The following TRHDE variants were observed in gnomAD, a reference collection of about 807,000 sequenced individuals.
TRHDE encodes thyrotropin-releasing hormone-degrading ectoenzyme.
TRHDE carries 72 observed loss-of-function variants against 125.7 expected under a neutral mutation model. The ratio of observed to expected loss-of-function variants is 0.57; its 90% confidence interval spans 0.47 to 0.70. The LOEUF (loss-of-function observed/expected upper bound fraction) is 0.70. TRHDE is among the 30% of genes least tolerant of loss of function. The pLI is 0.00. For missense variants in TRHDE, 1,110 were observed against 1,327.1 expected (o/e 0.84, Z 2.54); for synonymous variants, 509 against 509.1 (o/e 1.00, Z 0.00).
chr12:72,471,917 C>A (rs1195647844), intron 4 of TRHDE, among the ~76,000 whole-genome samples: 1 of 152,168 alleles, frequency 6.6e-6, no homozygotes, highest in Admixed American at 6.6e-5. Context: ...TATGTTCCAG[C>A]CGCACAGGTC....
chr12:72,389,536 G>C (rs1179156228), intron 3 of TRHDE, among the ~76,000 whole-genome samples: 1 of 152,172 alleles, frequency 6.6e-6, no homozygotes, highest in Non-Finnish European at 1.5e-5. Context: ...AGCGCTGGTG[G>C]GGTCAGGCTC....
intron 5 of TRHDE, among the ~76,000 whole-genome samples, chr12:72,492,417 G>A (rs558180899): frequency 2.0e-5 from 3 of 151,962 alleles, no homozygotes; most frequent in African/African-American, 7.2e-5. Context: ...TTCTTTCAAT[G>A]TTATAGGAAA....
intron 2 of TRHDE, among the ~76,000 whole-genome samples, chr12:72,124,276 C>G (rs537623119): frequency 2.6e-5 from 4 of 152,094 alleles, no homozygotes; most frequent in Admixed American, 2.6e-4. Context: ...GTTTTCCAGG[C>G]CTTCTTCTAG....
chr12:72,090,332 C>A (rs1355629555), intron 1 of TRHDE, among the ~76,000 whole-genome samples: 1 of 152,014 alleles, frequency 6.6e-6, no homozygotes, highest in African/African-American at 2.4e-5. Context: ...TGGCACTGAA[C>A]AAAATGATGC....
At chr12:72,405,204 C>G (rs1224881059) in intron 3 of TRHDE, among the ~76,000 whole-genome samples, 1 of 152,208 alleles carries the variant, frequency 6.6e-6, no homozygotes. Flanking sequence ...TGATAGAGCA[C>G]TATCCCAAGA....
rs554599748 is a variant in TRHDE at position 72,649,654 on chromosome 12, A to C, written c.2676-2668A>C. On this transcript the variant is annotated intron_variant, in intron 15 of 18. Coordinates refer to ENST00000261180, the MANE Select transcript of TRHDE (RefSeq NM_013381.3). ...AAACCATATATCTGAATAAGGGTTT[A>C]TCTCCAAAATATATAAGACACTCCT... Among the ~76,000 whole-genome samples the C allele has an allele frequency of 2.0e-5, 3 of 152,280 alleles. No homozygotes were observed. The South Asian group carries it at 6.2e-4, about 32-fold the overall frequency.
At chr12:72,182,197 C>T (rs1395957268) in intron 2 of TRHDE, among the ~76,000 whole-genome samples, 2 of 152,128 alleles carry the variant, frequency 1.3e-5, no homozygotes, top group Admixed American at 6.5e-5. Flanking sequence ...CACATTTTCT[C>T]CTGAAGAAGT....
intron 1 of TRHDE, chr12:72,274,704 G>T (rs1309137929): frequency 6.6e-6 from 1 of 152,198 alleles, no homozygotes; most frequent in Non-Finnish European, 1.5e-5. Context: ...TTTAGACCCA[G>T]GGAGTCTGGC....
At chr12:72,588,440 A>G (rs1871532063) in intron 12 of TRHDE, among the ~76,000 whole-genome samples, 1 of 152,204 alleles carries the variant, frequency 6.6e-6, no homozygotes, top group Admixed American at 6.5e-5. Context: ...TGTGGCTCTA[A>G]TGGAGTAAGT....
chr12:72,610,543 A>T (rs1236507072), intron 12 of TRHDE: 1 of 152,190 alleles, frequency 6.6e-6, no homozygotes, highest in Non-Finnish European at 1.5e-5. Flanking sequence ...TCCATCACAT[A>T]TAGAAAAACA....
intron 12 of TRHDE, among the ~76,000 whole-genome samples, chr12:72,596,425 T>C (rs1871944175): frequency 6.6e-6 from 1 of 152,294 alleles, no homozygotes; most frequent in South Asian, 2.1e-4. Flanking sequence ...ACTAGATATA[T>C]ACAACAAAAA....
At chr12:72,430,291 G>GTATATATGTA (rs1198394562) in intron 3 of TRHDE, among the ~76,000 whole-genome samples, 5 of 138,432 alleles carry the variant, frequency 3.6e-5, no homozygotes, top group African/African-American at 1.4e-4. Context: ...TTGTGTGTGT[G>GTATATATGTA]TATATATGTA....
chr12:72,478,413 T>C (rs1251530064), intron 5 of TRHDE, among the ~76,000 whole-genome samples: 1 of 152,198 alleles, frequency 6.6e-6, no homozygotes, highest in African/African-American at 2.4e-5. Context: ...TAAGGCTATT[T>C]TATTTTTACT....
chr12:72,101,010 G>A (rs1345544579), intron 1 of TRHDE, among the ~76,000 whole-genome samples: 1 of 152,170 alleles, frequency 6.6e-6, no homozygotes, highest in Admixed American at 6.5e-5. Context: ...TAAATGAAGG[G>A]TAAAGTGATG....
chr12:72,669,292 T>A lies in TRHDE; in HGVS notation c.*6097T>A, dbSNP rs1875193368. 1 of 151,854 alleles carries A rather than the reference T, an allele frequency of 6.6e-6. No individual in the cohort carries two copies. The highest frequency in any genetic ancestry group is 1.5e-5 in the Non-Finnish European group (1 of 67,872). 9.4% of individuals were successfully genotyped at this position (151,854 alleles called of 1,614,324 possible). On this transcript the variant is annotated 3_prime_UTR_variant, in exon 19 of 19. Coordinates refer to ENST00000261180, the MANE Select transcript of TRHDE (RefSeq NM_013381.3). ...GAGGTCAGAGAAGTATCTCTGTCAT[T>A]CTGCTTAGAAGTATACATGGACTGC...
At chr12:72,658,527 C>T (rs757572325) in intron 18 of TRHDE, among the ~76,000 whole-genome samples, 2 of 151,984 alleles carry the variant, frequency 1.3e-5, no homozygotes, top group East Asian at 3.9e-4. Context: ...TCTTGCTTTC[C>T]TCTAACTCCG....
intron 2 of TRHDE, among the ~76,000 whole-genome samples, chr12:72,107,095 A>G (rs996155649): frequency 1.1e-4 from 17 of 152,136 alleles, no homozygotes; most frequent in African/African-American, 3.1e-4. Context: ...ATCTAAATGA[A>G]TAGTAATGAC....
chr12:72,582,690 G>A (rs149904755), intron 12 of TRHDE: 1 of 877,556 alleles, frequency 1.1e-6, no homozygotes, highest in African/African-American at 1.8e-5. Context: ...AATTGAGAAG[G>A]AATTATAAAC....
At chr12:72,278,214 C>T (rs1879562598) in intron 1 of TRHDE, among the ~76,000 whole-genome samples, 1 of 152,106 alleles carries the variant, frequency 6.6e-6, no homozygotes, top group African/African-American at 2.4e-5. Flanking sequence ...TTGTGCCTGG[C>T]TTATTCACTT....
Sources: allele counts gnomAD v4.1 joint callset (sites outside exome capture counted in the v4.1 genomes callset), GRCh38; gene constraint gnomAD v4.1.1; transcripts MANE v1.5; gene names NCBI Gene and HGNC (gene_info 2026-07-23, HGNC 2026-07-21).